The following FREM3 variants were observed in gnomAD, a reference collection of about 807,000 sequenced individuals.
FREM3 encodes FRAS1-related extracellular matrix protein 3.
FREM3 carries 105 observed loss-of-function variants against 129.1 expected under a neutral mutation model. That is an observed-to-expected ratio of 0.81 (90% CI 0.69 to 0.96). FREM3 has a LOEUF of 0.96. FREM3 is among the 40% of genes least tolerant of loss of function. FREM3 has a pLI of 0.00. For synonymous variants in FREM3, 1,014 were observed against 1,044.9 expected (o/e 0.97, Z 0.57); for missense variants, 2,593 against 2,666.3 (o/e 0.97, Z 0.61).
intron 2 of FREM3, among the ~76,000 whole-genome samples, chr4:143,663,565 G>T (rs1429591534): frequency 6.6e-6 from 1 of 151,946 alleles, no homozygotes; most frequent in African/African-American, 2.4e-5. Context: ...TATGTGTCTT[G>T]GAGTTGCTCT....
At chr4:143,690,046 C>T (rs1407411653) in intron 2 of FREM3, among the ~76,000 whole-genome samples, 1 of 150,506 alleles carries the variant, frequency 6.6e-6, no homozygotes, top group East Asian at 1.9e-4. Context: ...GAAATGCAGC[C>T]TTGTCAAAAC....
At chr4:143,675,213 A>T (rs1312298956) in intron 2 of FREM3, among the ~76,000 whole-genome samples, 74 of 152,354 alleles carry the variant, frequency 4.9e-4, no homozygotes, top group Non-Finnish European at 2.9e-5. Context: ...GTGCAATCAA[A>T]CTAGAACTCA....
chr4:143,633,866 A>G (rs532184960), intron 2 of FREM3, among the ~76,000 whole-genome samples: 25 of 152,130 alleles, frequency 1.6e-4, no homozygotes, highest in Non-Finnish European at 3.2e-4. Context: ...TTCAGAGAGG[A>G]TATTGACAGG....
chr4:143,617,828 C>G (rs962683198), intron 5 of FREM3, among the ~76,000 whole-genome samples: 3 of 152,074 alleles, frequency 2.0e-5, no homozygotes, highest in Admixed American at 1.3e-4. Context: ...TTGGGTCTTG[C>G]AATAATGGGC....
At chr4:143,603,139 A>G (rs537584373) in intron 6 of FREM3, among the ~76,000 whole-genome samples, 1 of 152,220 alleles carries the variant, frequency 6.6e-6, no homozygotes, top group Non-Finnish European at 1.5e-5. Flanking sequence ...CACATATATC[A>G]TGTCTCTTGT....
chr4:143,697,409 G>A lies in FREM3; in HGVS notation c.3267C>T (p.Thr1089=), dbSNP rs748450517. Residue 1089 remains threonine (T), a synonymous_variant, in exon 1 of 8, where the codon ACC becomes ACT. Coordinates refer to ENST00000329798, the MANE Select transcript of FREM3 (RefSeq NM_001168235.2). ...CATCTTCAACATGGAGATGTTGTAA[G>A]GTCAAGGAGTTCTTCTCACCTTCAT... is the stretch of plus-strand genomic sequence containing the variant. ...IVYEGEKNSL[T]LQHLHVEDVD... 3.3e-5 allele frequency: 51 copies of A among 1,537,112 alleles called. No homozygotes were observed. In the African/African-American group the frequency reaches 5.8e-4, roughly 17 times the overall value.
At chr4:143,669,477 C>T (rs1231380470) in intron 2 of FREM3, among the ~76,000 whole-genome samples, 6 of 151,522 alleles carry the variant, frequency 4.0e-5, no homozygotes, top group African/African-American at 1.2e-4. Context: ...TGGTAGAGAC[C>T]GGGTCATCCT....
chr4:143,595,903 A>AAAAAAAAAAAC (rs1338411408), intron 6 of FREM3, among the ~76,000 whole-genome samples: 50 of 151,742 alleles, frequency 3.3e-4, no homozygotes, highest in Non-Finnish European at 6.0e-4. Context: ...AAAAAAAAAA[A>AAAAAAAAAAAC]AGAAGGAACT....
Position 143,695,810 on chromosome 4 carries a change from C to T in FREM3, c.4866G>A (p.Leu1622=), listed in dbSNP as rs1389664273. The T allele has an allele frequency of 1.3e-6, 2 of 1,537,274 alleles. No homozygotes were observed. The highest frequency in any genetic ancestry group is 3.9e-5 in the Admixed American group (2 of 51,006). ...CAGTGTGAGTGCCGTCTGTCACAGT[C>T]AAGGAGAAACTATCTTCAGTGGTCT... ...GSETTEDSFS[L]TVTDGTHTDF... The change falls in exon 1 of 8, where the codon TTG becomes TTA. Residue 1622 remains leucine (L), a synonymous_variant. Transcript: ENST00000329798.
At chr4:143,677,744 C>T (rs533459923) in intron 2 of FREM3, among the ~76,000 whole-genome samples, 1 of 152,180 alleles carries the variant, frequency 6.6e-6, no homozygotes, top group Non-Finnish European at 1.5e-5. Context: ...TGAACAGACA[C>T]TTCTCAAAAG....
intron 5 of FREM3, among the ~76,000 whole-genome samples, chr4:143,613,175 A>G (rs1052245471): frequency 6.6e-6 from 1 of 152,218 alleles, no homozygotes; most frequent in Non-Finnish European, 1.5e-5. Context: ...TTCGGAAGTA[A>G]CAAATTGACT....
intron 2 of FREM3, among the ~76,000 whole-genome samples, chr4:143,630,780 A>G (rs72940222): frequency 0.024 from 3,643 of 152,268 alleles, 154 homozygotes; most frequent in African/African-American, 0.082. Flanking sequence ...TAGGAGAAAG[A>G]GGCTGGTAGG....
intron 2 of FREM3, among the ~76,000 whole-genome samples, chr4:143,650,978 T>G (rs1035647340): frequency 6.6e-6 from 1 of 152,242 alleles, no homozygotes. Flanking sequence ...TCCTGGCAAG[T>G]AAACAAACTC....
intron 6 of FREM3, among the ~76,000 whole-genome samples, chr4:143,604,424 G>A (rs1738631035): frequency 6.6e-6 from 1 of 152,104 alleles, no homozygotes; most frequent in Non-Finnish European, 1.5e-5. Flanking sequence ...GCAACCTGGA[G>A]GTTGTCCCAG....
intron 4 of FREM3, 37 bp downstream of exon 4, chr4:143,624,071 T>C: frequency 8.2e-7 from 1 of 1,215,396 alleles, no homozygotes; most frequent in Non-Finnish European, 1.2e-6. Context: ...CAAGAACCTG[T>C]ACTGGTTAAT....
At position 143,606,701 on chromosome 4, in the gene FREM3, T is replaced by C. The variant is rs577100613; in HGVS notation, c.6028+4578A>G. On this transcript the variant is annotated intron_variant, in intron 6 of 7. Coordinates refer to ENST00000329798, the MANE Select transcript of FREM3 (RefSeq NM_001168235.2). ...TGGGCAAACTGGACAAACCACTTAG[T>C]ACATTTAGCTTCAACAACGAGGAGG... Among the ~76,000 whole-genome samples the C allele has an allele frequency of 2.6e-5, 4 of 152,230 alleles. No homozygotes were observed. The South Asian group carries it at 8.3e-4, about 32-fold the overall frequency.
At chr4:143,619,454 A>C (rs1738909075) in intron 5 of FREM3, among the ~76,000 whole-genome samples, 1 of 152,172 alleles carries the variant, frequency 6.6e-6, no homozygotes, top group African/African-American at 2.4e-5. Flanking sequence ...GAACCTGGCC[A>C]GTAACAGAAT....
In FREM3 at chr4:143,585,789, C is replaced by G. The variant is rs973950985; in HGVS notation, c.6178+55G>C. The G allele has an allele frequency of 6.6e-7, 1 of 1,507,938 alleles. No individual in the cohort carries two copies. The highest frequency in any genetic ancestry group is 8.9e-7 in the Non-Finnish European group (1 of 1,124,844). 93.4% of individuals were successfully genotyped at this position (1,507,938 alleles called of 1,614,324 possible). A position where few individuals can be genotyped will look rare whatever the true frequency, so the allele number is the denominator to read the frequency against. ...GCATGCTTACACTTAACAGACTAGA[C>G]TCCACCATAAACATGTATCATGATA... On this transcript the variant is annotated intron_variant, in intron 7 of 7. Transcript: ENST00000329798. The surrounding 1 kb of genome is among the most constrained non-coding windows in gnomAD (Gnocchi z 4.2).
rs577129655 is a variant in FREM3 at position 143,613,068 on chromosome 4, T to G, written c.5780-1541A>C. 3.3e-5 allele frequency among the ~76,000 whole-genome samples: 5 copies of G among 152,232 alleles called. No homozygotes were observed. In the South Asian group the frequency reaches 1.0e-3, roughly 32 times the overall value. The stretch of plus-strand genomic sequence containing the variant: ...GATCTAAGTTGCTAAAAAATGATAG[T>G]GGGCTCCAACCGACTTCAGATGTTT... On this transcript the variant is annotated intron_variant, in intron 5 of 7. Coordinates refer to ENST00000329798, the MANE Select transcript of FREM3 (RefSeq NM_001168235.2).
Sources: gnomAD v4.1 joint callset for allele counts (sites outside exome capture counted in the v4.1 genomes callset) on GRCh38, gnomAD v4.1.1 for gene constraint, Gnocchi (gnomAD v3.1) non-coding constraint, MANE v1.5 for transcripts, NCBI Gene and HGNC (gene_info 2026-07-23, HGNC 2026-07-21) for gene names.